The following NIPSNAP2 variants were observed in gnomAD, a reference collection of about 807,000 sequenced individuals.
NIPSNAP2 encodes the protein nipsnap homolog 2.
Under a neutral mutation model 48.4 loss-of-function variants are expected in NIPSNAP2, and 42 were observed. The ratio of observed to expected loss-of-function variants is 0.87; its 90% CI spans 0.68 to 1.12. NIPSNAP2 has a LOEUF of 1.12. Among genes scored for constraint, NIPSNAP2 ranks in the 50% most tolerant of loss-of-function variants. The pLI is 0.00. For missense variants in NIPSNAP2, 314 were observed against 347.3 expected (o/e 0.90, Z 0.76); for synonymous variants, 158 against 126.6 (o/e 1.25, Z -1.67).
intron 8 of NIPSNAP2, among the ~76,000 whole-genome samples, chr7:55,995,894 C>T (rs1787552645): frequency 6.6e-6 from 1 of 152,136 alleles, no homozygotes; most frequent in Non-Finnish European, 1.5e-5. Flanking sequence ...AAGATGATTG[C>T]TTGAGGCCAG....
At chr7:55,998,494 T>TTG (rs1787614790) in intron 9 of NIPSNAP2, among the ~76,000 whole-genome samples, 2 of 48,776 alleles carry the variant, frequency 4.1e-5, no homozygotes, top group African/African-American at 5.8e-5. Context: ...GTAGGATCTG[T>TTG]TTTTTTTTTT....
At position 55,993,439 on chromosome 7, in the gene NIPSNAP2, C is replaced by T. The variant is rs1460081148; in HGVS notation, c.618-1455C>T. ...CCAAAAATACAAAAAATTAGCCAGA[C>T]GTGGTGGTGGGCGCCTGTAATCCCA... On this transcript the variant is annotated intron_variant, in intron 7 of 9. Coordinates refer to ENST00000322090, the MANE Select transcript of NIPSNAP2 (RefSeq NM_001483.3). Among the ~76,000 whole-genome samples the T allele has an allele frequency of 2.8e-4, 43 of 151,870 alleles. 1 individual carries two copies. Among genetic ancestry groups the T allele is most frequent in the Admixed American group, 2.8e-3 (43 of 15,210 alleles).
At chr7:55,983,371 A>G (rs1787260664) in intron 5 of NIPSNAP2, among the ~76,000 whole-genome samples, 1 of 152,214 alleles carries the variant, frequency 6.6e-6, no homozygotes, top group African/African-American at 2.4e-5. Flanking sequence ...TCCCAGACAA[A>G]TATAAATAGG....
chr7:55,985,704 C>T (rs562988283), intron 7 of NIPSNAP2, among the ~76,000 whole-genome samples: 92 of 150,386 alleles, frequency 6.1e-4, no homozygotes, highest in African/African-American at 2.2e-3. Flanking sequence ...CAAGATTGCA[C>T]CACTGCACTC....
chr7:55,978,289 C>CA (rs1787143692), intron 2 of NIPSNAP2, 24 bp downstream of exon 2: 2 of 1,613,168 alleles, frequency 1.2e-6, no homozygotes, highest in South Asian at 2.2e-5. Flanking sequence ...TTGCTATCTT[C>CA]ATAGTTGACT....
intron 3 of NIPSNAP2, chr7:55,980,341 A>G (rs1373164079): frequency 6.4e-6 from 1 of 155,410 alleles, no homozygotes; most frequent in Non-Finnish European, 1.4e-5. Context: ...TTCTCTGTTA[A>G]CCATTTATGT....
chr7:55,991,763 A>ATATATATATATATATATAT (rs1312676530), intron 7 of NIPSNAP2: 6 of 153,778 alleles, frequency 3.9e-5, no homozygotes, highest in Non-Finnish European at 5.1e-5. Flanking sequence ...AAAAAAAAAA[A>ATATATATATATATATATAT]AAATATATAT....
At chr7:55,996,951 C>T (rs988172327) in intron 8 of NIPSNAP2, among the ~76,000 whole-genome samples, 1 of 152,006 alleles carries the variant, frequency 6.6e-6, no homozygotes, top group Non-Finnish European at 1.5e-5. Context: ...GAGACTGAGG[C>T]GTTTTGATGA....
In NIPSNAP2 at chr7:55,981,468, T is replaced by A; in HGVS notation, c.279-5T>A. ...TAATTAGTGTTGCTGTTTCTTCTCT[T>A]TAAGTCAAGAGGTGTTGCCAAAGAT... On this transcript the variant is annotated splice_region_variant and splice_polypyrimidine_tract_variant and intron_variant, in intron 3 of 9. Coordinates refer to ENST00000322090, the MANE Select transcript of NIPSNAP2 (RefSeq NM_001483.3). 6.2e-7 allele frequency: 1 copy of A among 1,611,730 alleles called. No homozygotes were observed. Among genetic ancestry groups the A allele is most frequent in the Non-Finnish European group, 8.5e-7 (1 of 1,178,220 alleles).
chr7:55,966,896 T>C (rs1786906465), intron 1 of NIPSNAP2, among the ~76,000 whole-genome samples: 1 of 152,190 alleles, frequency 6.6e-6, no homozygotes, highest in Admixed American at 6.5e-5. Context: ...ATAGGCTGAA[T>C]GTAGGAGGGG....
chr7:55,981,182 T>A, intron 3 of NIPSNAP2: 2 of 176,792 alleles, frequency 1.1e-5, no homozygotes, highest in Non-Finnish European at 1.2e-5. Context: ...AGTAGACCCA[T>A]AGCTCCCAAA....
At chr7:55,985,624 G>C (rs1304616416) in intron 7 of NIPSNAP2, among the ~76,000 whole-genome samples, 3 of 151,886 alleles carry the variant, frequency 2.0e-5, no homozygotes, top group Non-Finnish European at 4.4e-5. Context: ...CCACATGCCT[G>C]AGGTCCCAGG....
intron 7 of NIPSNAP2, among the ~76,000 whole-genome samples, chr7:55,987,583 G>A (rs1395666492): frequency 6.6e-6 from 1 of 152,026 alleles, no homozygotes. Flanking sequence ...AGCTGAGATC[G>A]CGCCACTGCC....
At position 55,978,379 on chromosome 7, in the gene NIPSNAP2, G is replaced by A; in HGVS notation, c.262G>A (p.Ala88Thr). The change falls in exon 3 of 10, where the codon GCA becomes ACA. Residue 88 changes from alanine to threonine, a missense_variant. Transcript: ENST00000322090. ...FHNVKPECLEAYNKICQEVLP... is the reference protein window; with the variant it reads ...FHNVKPECLETYNKICQEVLP... ...CAATGTTAAACCGGAATGCCTAGAA[G>A]CATACAACAAAATTTGGTGTGTATA... is the stretch of plus-strand genomic sequence containing the variant. 1 of 1,611,992 alleles carries A rather than the reference G, an allele frequency of 6.2e-7. No homozygotes were observed.
chr7:55,968,833 G>A (rs1786952951), intron 1 of NIPSNAP2, among the ~76,000 whole-genome samples: 1 of 152,088 alleles, frequency 6.6e-6, no homozygotes, highest in Non-Finnish European at 1.5e-5. Context: ...CAAGACCAGC[G>A]TGGACAACAT....
In NIPSNAP2 at chr7:55,969,234, C is replaced by T. The variant is rs566743723; in HGVS notation, c.92+4533C>T. Among the ~76,000 whole-genome samples, 11 of 151,950 alleles carry T rather than the reference C, an allele frequency of 7.2e-5. No homozygotes were observed. The East Asian group carries it at 7.8e-4, about 11-fold the overall frequency. On this transcript the variant is annotated intron_variant, in intron 1 of 9. Transcript: ENST00000322090. Reference sequence around the variant, plus strand: ...GTCTCTGGAGCAGCAGTGTGGAAGACGGGGTACTGGGGCTGGATGGAGTGT... The same window carrying T: ...GTCTCTGGAGCAGCAGTGTGGAAGATGGGGTACTGGGGCTGGATGGAGTGT...
chr7:55,971,575 G>C (rs1405158584), intron 1 of NIPSNAP2, among the ~76,000 whole-genome samples: 1 of 152,026 alleles, frequency 6.6e-6, no homozygotes, highest in Non-Finnish European at 1.5e-5. Context: ...CGATCCTCCT[G>C]CCTCAGGTTC....
At chr7:55,992,287 A>G (rs1787471112) in intron 7 of NIPSNAP2, among the ~76,000 whole-genome samples, 1 of 152,152 alleles carries the variant, frequency 6.6e-6, no homozygotes, top group Non-Finnish European at 1.5e-5. Context: ...CAGCCCAAGC[A>G]ACATAGCAAG....
chr7:55,973,577 C>T (rs550664435), intron 1 of NIPSNAP2, among the ~76,000 whole-genome samples: 5 of 151,830 alleles, frequency 3.3e-5, no homozygotes, highest in African/African-American at 7.3e-5. Flanking sequence ...TGGGTTCAAG[C>T]GATTCTCCTA....
Sources: allele counts gnomAD v4.1 joint callset (sites outside exome capture counted in the v4.1 genomes callset), GRCh38; gene constraint gnomAD v4.1.1; transcripts MANE v1.5; gene names NCBI Gene and HGNC (gene_info 2026-07-23, HGNC 2026-07-21).